TEX36: variants seen among roughly 807,000 people sequenced by gnomAD.
TEX36 encodes testis expressed 36, also known as testis-expressed protein 36.
A neutral mutation model predicts 13.6 loss-of-function variants in TEX36; 12 were observed. The ratio of observed to expected loss-of-function variants is 0.88; its 90% CI spans 0.56 to 1.43. The LOEUF is 1.43. Among genes scored for constraint, TEX36 ranks in the 40% most tolerant of loss-of-function variants. TEX36 has a pLI of 0.00. For synonymous variants in TEX36, 93 were observed against 83.0 expected (o/e 1.12, Z -0.65); for missense variants, 224 against 228.3 (o/e 0.98, Z 0.12).
downstream of TEX36, among the ~76,000 whole-genome samples, chr10:125,651,600 C>A (rs965740234): frequency 2.0e-5 from 3 of 152,136 alleles, no homozygotes; most frequent in East Asian, 1.9e-4. Context: ...ACAGGGATGC[C>A]CTCTCTCACC....
At chr10:125,644,696 C>T (rs1255780204) in intron 3 of TEX36, among the ~76,000 whole-genome samples, 1 of 152,194 alleles carries the variant, frequency 6.6e-6, no homozygotes, top group Non-Finnish European at 1.5e-5. Flanking sequence ...ATCCCCTGCC[C>T]TTGAGTGTGG....
chr10:125,606,198 T>C (rs995130008), intron 3 of TEX36, among the ~76,000 whole-genome samples: 9 of 152,198 alleles, frequency 5.9e-5, no homozygotes, highest in African/African-American at 2.2e-4. Context: ...TTAAGCACCC[T>C]TGTAGGATTT....
At chr10:125,618,158 C>T (rs1361590381), downstream of TEX36, among the ~76,000 whole-genome samples, 3 of 152,126 alleles carry the variant, frequency 2.0e-5, no homozygotes, top group Admixed American at 6.5e-5. Context: ...AAGCACTTCT[C>T]TGTATTGGTT....
intron 3 of TEX36, among the ~76,000 whole-genome samples, chr10:125,623,579 G>GAAA (rs531089481): frequency 1.4e-4 from 13 of 94,158 alleles, no homozygotes; most frequent in South Asian, 3.4e-4. Context: ...GTTTCCAAAT[G>GAAA]AAAAAAAAAA....
chr10:125,667,649 T>C (rs1847145087), intron 1 of TEX36: 1 of 720,138 alleles, frequency 1.4e-6, no homozygotes, highest in Non-Finnish European at 2.6e-6. Flanking sequence ...AACACCACCC[T>C]TGGACATGAC....
At chr10:125,647,139 A>T in intron 3 of TEX36, among the ~76,000 whole-genome samples, 1 of 152,368 alleles carries the variant, frequency 6.6e-6, no homozygotes, top group East Asian at 1.9e-4. Flanking sequence ...TATTATATTA[A>T]CATATTAATA....
intron 3 of TEX36, among the ~76,000 whole-genome samples, chr10:125,660,097 C>T (rs1410594176): frequency 6.6e-6 from 1 of 152,108 alleles, no homozygotes; most frequent in Non-Finnish European, 1.5e-5. Flanking sequence ...GTTGAATGGG[C>T]AATTTGGAGA....
At chr10:125,659,716 C>T (rs1847002914) in intron 3 of TEX36, among the ~76,000 whole-genome samples, 1 of 152,128 alleles carries the variant, frequency 6.6e-6, no homozygotes, top group African/African-American at 2.4e-5. Flanking sequence ...TCTCAATTTG[C>T]TCATCTCTAA....
intron 3 of TEX36, among the ~76,000 whole-genome samples, chr10:125,605,968 C>A (rs1027872765): frequency 6.6e-6 from 1 of 152,130 alleles, no homozygotes; most frequent in Non-Finnish European, 1.5e-5. Flanking sequence ...TTATTAAAAC[C>A]AACTTTGTGG....
intron 1 of TEX36, chr10:125,667,796 G>A: frequency 1.9e-6 from 2 of 1,055,890 alleles, no homozygotes; most frequent in South Asian, 2.7e-5. Flanking sequence ...GTTCTCTTTG[G>A]TGTTCTCGGC....
At chr10:125,673,771 G>A (rs1418119464) in intron 1 of TEX36, among the ~76,000 whole-genome samples, 1 of 151,266 alleles carries the variant, frequency 6.6e-6, no homozygotes, top group Non-Finnish European at 1.5e-5. Flanking sequence ...TGGCTTGTAG[G>A]GTTTCTGCTG....
intron 3 of TEX36, among the ~76,000 whole-genome samples, chr10:125,579,199 C>A (rs1199316626): frequency 6.6e-6 from 1 of 152,206 alleles, no homozygotes; most frequent in Non-Finnish European, 1.5e-5. Context: ...CTGCCTGAGA[C>A]TGGGTACTTT....
chr10:125,651,087 A>C (rs1253913791), downstream of TEX36, among the ~76,000 whole-genome samples: 1 of 152,244 alleles, frequency 6.6e-6, no homozygotes, highest in African/African-American at 2.4e-5. Flanking sequence ...AGCTGGTACC[A>C]TTCCTTCAGA....
chr10:125,621,771 A>G, intron 3 of TEX36: 1 of 407,480 alleles, frequency 2.5e-6, no homozygotes, highest in Middle Eastern at 5.6e-4. Flanking sequence ...CACTGGTTCA[A>G]GTCCCAGAGT....
At chr10:125,628,072 C>G (rs1032875196) in intron 3 of TEX36, among the ~76,000 whole-genome samples, 4 of 152,122 alleles carry the variant, frequency 2.6e-5, no homozygotes, top group African/African-American at 9.7e-5. Flanking sequence ...CTTAAAAAAA[C>G]TATTAATAAA....
intron 3 of TEX36, among the ~76,000 whole-genome samples, chr10:125,589,170 G>A (rs1845993948): frequency 6.6e-6 from 1 of 152,056 alleles, no homozygotes; most frequent in Admixed American, 6.6e-5. Flanking sequence ...TATGTTCTTT[G>A]CCTATTTTCA....
chr10:125,636,612 G>A (rs970164555), intron 3 of TEX36, among the ~76,000 whole-genome samples: 5 of 152,020 alleles, frequency 3.3e-5, no homozygotes, highest in East Asian at 3.9e-4. Context: ...TCACAAATAC[G>A]AACTTTCTAA....
At chr10:125,648,276 T>C (rs1186200232) in intron 3 of TEX36, among the ~76,000 whole-genome samples, 1 of 152,144 alleles carries the variant, frequency 6.6e-6, no homozygotes, top group African/African-American at 2.4e-5. Flanking sequence ...CAACATCTCA[T>C]ACAGTTGGGT....
intron 1 of TEX36, among the ~76,000 whole-genome samples, chr10:125,664,589 T>G (rs1312353898): frequency 1.3e-5 from 2 of 152,128 alleles, no homozygotes; most frequent in Admixed American, 1.3e-4. Flanking sequence ...TCTCATGAGA[T>G]CTGATGGTTT....
Sources: allele counts gnomAD v4.1 joint callset (sites outside exome capture counted in the v4.1 genomes callset), GRCh38; gene constraint gnomAD v4.1.1; transcripts MANE v1.5; gene names NCBI Gene and HGNC (gene_info 2026-07-23, HGNC 2026-07-21).